The following VWC2L variants were observed in gnomAD, a reference collection of about 807,000 sequenced individuals.
The protein encoded by VWC2L is von Willebrand factor C domain-containing protein 2-like.
Under a neutral mutation model 21.6 loss-of-function variants are expected in VWC2L, and 10 were observed. That is an observed-to-expected ratio of 0.46 (90% confidence interval 0.29 to 0.78). The LOEUF is 0.78. VWC2L is among the 30% of genes least tolerant of loss of function. VWC2L has a pLI of 0.10. For synonymous variants in VWC2L, 96 were observed against 94.3 expected (o/e 1.02, Z -0.10); for missense variants, 209 against 277.1 (o/e 0.75, Z 1.74).
At chr2:214,502,348 GATC>G (rs1688905334) in intron 3 of VWC2L, among the ~76,000 whole-genome samples, 1 of 152,110 alleles carries the variant, frequency 6.6e-6, no homozygotes, top group African/African-American at 2.4e-5. Context: ...GAGGCAGGCG[GATC>G]ATGAGTTCAG....
At chr2:214,425,263 C>T (rs766319776) in intron 2 of VWC2L, among the ~76,000 whole-genome samples, 3 of 152,126 alleles carry the variant, frequency 2.0e-5, no homozygotes, top group Non-Finnish European at 2.9e-5. Flanking sequence ...AGGTTACAGC[C>T]GTTTGGGTAC....
intron 3 of VWC2L, among the ~76,000 whole-genome samples, chr2:214,490,617 C>A (rs1315198569): frequency 6.6e-6 from 1 of 151,952 alleles, no homozygotes; most frequent in Non-Finnish European, 1.5e-5. Flanking sequence ...AGCCTTGGAC[C>A]AAAAAGAGAG....
chr2:214,521,273 A>C (rs114593963), intron 3 of VWC2L, among the ~76,000 whole-genome samples: 2,595 of 121,586 alleles, frequency 0.021, 30 homozygotes, highest in Non-Finnish European at 0.028. Flanking sequence ...ATAAATAAAT[A>C]AATAAAACTA....
intron 3 of VWC2L, among the ~76,000 whole-genome samples, chr2:214,451,017 C>T (rs1046988187): frequency 6.6e-5 from 10 of 151,954 alleles, no homozygotes; most frequent in African/African-American, 2.4e-4. Flanking sequence ...AGTTTTGAAC[C>T]ACACTCCATC....
chr2:214,494,791 A>G (rs1233260614), intron 3 of VWC2L, among the ~76,000 whole-genome samples: 1 of 149,430 alleles, frequency 6.7e-6, no homozygotes, highest in Admixed American at 6.6e-5. Flanking sequence ...TTTTTTTTTT[A>G]AGTTTCTAAT....
chr2:214,528,223 C>A (rs994645347), intron 3 of VWC2L, among the ~76,000 whole-genome samples: 5 of 152,280 alleles, frequency 3.3e-5, no homozygotes, highest in Non-Finnish European at 5.9e-5. Flanking sequence ...CAAGAAAACA[C>A]AATAGCCTTA....
At chr2:214,421,823 A>G (rs1280168053) in intron 2 of VWC2L, among the ~76,000 whole-genome samples, 1 of 151,404 alleles carries the variant, frequency 6.6e-6, no homozygotes, top group African/African-American at 2.4e-5. Flanking sequence ...TCTCCTCACC[A>G]AAAGACAGAA....
At chr2:214,512,580 T>A (rs952503912) in intron 3 of VWC2L, among the ~76,000 whole-genome samples, 15 of 151,642 alleles carry the variant, frequency 9.9e-5, no homozygotes, top group African/African-American at 3.6e-4. Flanking sequence ...AAAAAAAAAA[T>A]TTTACTCTCA....
chr2:214,497,815 T>C (rs1233175629), intron 3 of VWC2L, among the ~76,000 whole-genome samples: 1 of 152,188 alleles, frequency 6.6e-6, no homozygotes, highest in Non-Finnish European at 1.5e-5. Context: ...TATTCTGCAG[T>C]TTGAGAACCG....
At chr2:214,517,267 A>G (rs143390796) in intron 3 of VWC2L, among the ~76,000 whole-genome samples, 1 of 152,326 alleles carries the variant, frequency 6.6e-6, no homozygotes, top group African/African-American at 2.4e-5. Context: ...TATGGGCATT[A>G]CCAATTCCAG....
At chr2:214,465,121 G>T (rs775642408) in intron 3 of VWC2L, among the ~76,000 whole-genome samples, 12 of 152,140 alleles carry the variant, frequency 7.9e-5, no homozygotes, top group Admixed American at 1.3e-4. Flanking sequence ...ACTTACCTGG[G>T]GTCCCACTGG....
intron 3 of VWC2L, among the ~76,000 whole-genome samples, chr2:214,508,930 CCCT>C (rs2105904665): frequency 6.6e-6 from 1 of 152,202 alleles, no homozygotes; most frequent in Admixed American, 6.5e-5. Context: ...CCTTCTCCCT[CCCT>C]CCTCCTTTTC....
At chr2:214,484,214 C>A (rs746416176) in intron 3 of VWC2L, among the ~76,000 whole-genome samples, 1 of 152,158 alleles carries the variant, frequency 6.6e-6, no homozygotes, top group Non-Finnish European at 1.5e-5. Flanking sequence ...TCTGCTAAGA[C>A]CTCATTTCCA....
intron 3 of VWC2L, among the ~76,000 whole-genome samples, chr2:214,548,299 C>G (rs1015660259): frequency 6.6e-6 from 1 of 152,122 alleles, no homozygotes; most frequent in Non-Finnish European, 1.5e-5. Context: ...AGGCTTAAAA[C>G]ATTTACACAA....
intron 3 of VWC2L, among the ~76,000 whole-genome samples, chr2:214,565,662 GA>G (rs1160898136): frequency 2.0e-5 from 3 of 152,104 alleles, no homozygotes; most frequent in Non-Finnish European, 4.4e-5. Context: ...GAAATCAAAG[GA>G]CCTGGATTCT....
At chr2:214,435,633 G>T (rs1169814672) in intron 2 of VWC2L, among the ~76,000 whole-genome samples, 1 of 152,128 alleles carries the variant, frequency 6.6e-6, no homozygotes, top group Non-Finnish European at 1.5e-5. Flanking sequence ...CAGTTTGCAG[G>T]TAAGAATCTG....
At chr2:214,455,328 G>A (rs1469689433) in intron 3 of VWC2L, among the ~76,000 whole-genome samples, 1 of 152,088 alleles carries the variant, frequency 6.6e-6, no homozygotes, top group Non-Finnish European at 1.5e-5. Flanking sequence ...CTAAGCTGCT[G>A]GATTTATGGT....
chr2:214,499,794 C>G (rs1314395979), intron 3 of VWC2L, among the ~76,000 whole-genome samples: 1 of 152,116 alleles, frequency 6.6e-6, no homozygotes, highest in African/African-American at 2.4e-5. Flanking sequence ...ATTAGCTTTG[C>G]CTTTATTTAT....
chr2:214,438,415 G>A (rs1042305173), intron 3 of VWC2L, among the ~76,000 whole-genome samples: 1 of 151,506 alleles, frequency 6.6e-6, no homozygotes, highest in Non-Finnish European at 1.5e-5. Context: ...TTTTCCCCTG[G>A]AAGCAACTGT....
Sources: allele counts gnomAD v4.1 joint callset (sites outside exome capture counted in the v4.1 genomes callset), GRCh38; gene constraint gnomAD v4.1.1; transcripts MANE v1.5; gene names NCBI Gene and HGNC (gene_info 2026-07-23, HGNC 2026-07-21).